The following CNTNAP5 variants were observed in gnomAD, a reference collection of about 807,000 sequenced individuals.
The protein encoded by CNTNAP5 is contactin-associated protein-like 5.
CNTNAP5 carries 72 observed loss-of-function variants against 150.2 expected under a neutral mutation model. The ratio of observed to expected loss-of-function variants is 0.48; its 90% CI spans 0.40 to 0.58. CNTNAP5 has a LOEUF of 0.58. CNTNAP5 is among the 20% of genes least tolerant of loss of function. CNTNAP5 has a pLI of 0.00. For missense variants in CNTNAP5, 1,636 were observed against 1,626.2 expected (o/e 1.01, Z -0.10); for synonymous variants, 672 against 619.8 (o/e 1.08, Z -1.25).
chr2:124,188,996 GT>G (rs1480687227), intron 1 of CNTNAP5, among the ~76,000 whole-genome samples: 2 of 152,184 alleles, frequency 1.3e-5, no homozygotes, highest in East Asian at 1.9e-4. Context: ...TGAAGATTAA[GT>G]TTTTCATGAA....
chr2:124,263,637 A>G (rs1477969486), intron 3 of CNTNAP5, among the ~76,000 whole-genome samples: 1 of 152,128 alleles, frequency 6.6e-6, no homozygotes, highest in East Asian at 1.9e-4. Context: ...TGCTGTGCAG[A>G]AGCTCTTTAG....
chr2:124,638,770 T>C (rs928756473), intron 12 of CNTNAP5, among the ~76,000 whole-genome samples: 1 of 152,216 alleles, frequency 6.6e-6, no homozygotes, highest in Non-Finnish European at 1.5e-5. Flanking sequence ...AAATGTATCA[T>C]ACTCTTTTGT....
At chr2:124,270,881 G>A (rs544180490) in intron 3 of CNTNAP5, among the ~76,000 whole-genome samples, 1 of 152,280 alleles carries the variant, frequency 6.6e-6, no homozygotes, top group African/African-American at 2.4e-5. Context: ...GTTAGAATAT[G>A]TATGCTTATC....
intron 19 of CNTNAP5, among the ~76,000 whole-genome samples, chr2:124,801,570 G>A (rs542290202): frequency 1.3e-5 from 2 of 152,250 alleles, no homozygotes; most frequent in East Asian, 1.9e-4. Context: ...AATAACCTCT[G>A]AGTTTCTTCC....
chr2:124,693,010 C>A (rs1038437897), intron 13 of CNTNAP5, among the ~76,000 whole-genome samples: 1 of 152,038 alleles, frequency 6.6e-6, no homozygotes, highest in Non-Finnish European at 1.5e-5. Flanking sequence ...ACATATGAAT[C>A]TTTTCTGGTA....
chr2:124,749,519 G>A (rs887733309), intron 14 of CNTNAP5, among the ~76,000 whole-genome samples: 2 of 151,976 alleles, frequency 1.3e-5, no homozygotes, highest in African/African-American at 2.4e-5. Context: ...CTGCTTCCAG[G>A]GTTCAAGCGA....
intron 13 of CNTNAP5, among the ~76,000 whole-genome samples, chr2:124,668,229 A>T (rs1678740227): frequency 6.6e-6 from 1 of 152,176 alleles, no homozygotes; most frequent in Non-Finnish European, 1.5e-5. Context: ...TTAGCTAGGA[A>T]AAACCTTTGG....
At chr2:124,049,118 T>A (rs1246670869) in intron 1 of CNTNAP5, among the ~76,000 whole-genome samples, 1 of 152,190 alleles carries the variant, frequency 6.6e-6, no homozygotes, top group East Asian at 1.9e-4. Flanking sequence ...GAAACGCTGA[T>A]TTCAGGGCTT....
intron 7 of CNTNAP5, among the ~76,000 whole-genome samples, chr2:124,491,054 G>T (rs1694012094): frequency 6.6e-6 from 1 of 151,978 alleles, no homozygotes; most frequent in African/African-American, 2.4e-5. Context: ...TATGTTCAAG[G>T]TGTACAATGT....
chr2:124,809,373 T>G (rs1413411505), intron 19 of CNTNAP5, among the ~76,000 whole-genome samples: 1 of 143,580 alleles, frequency 7.0e-6, no homozygotes, highest in African/African-American at 2.5e-5. Context: ...CATAAAACAA[T>G]AATATGGTAT....
intron 1 of CNTNAP5, among the ~76,000 whole-genome samples, chr2:124,167,058 C>A (rs754315613): frequency 2.0e-5 from 3 of 151,988 alleles, no homozygotes; most frequent in African/African-American, 7.2e-5. Flanking sequence ...TTTGTCCTGT[C>A]GTCTTCTCTA....
At chr2:124,901,863 C>T (rs1450022200) in intron 21 of CNTNAP5, among the ~76,000 whole-genome samples, 2 of 152,082 alleles carry the variant, frequency 1.3e-5, no homozygotes, top group East Asian at 1.9e-4. Context: ...TCTCATTTTC[C>T]TCCATATCCT....
chr2:124,091,569 C>A (rs958291404), intron 1 of CNTNAP5, among the ~76,000 whole-genome samples: 2 of 152,120 alleles, frequency 1.3e-5, no homozygotes, highest in African/African-American at 4.8e-5. Context: ...TGTAAAGAAC[C>A]TAGTCCACAG....
At chr2:124,564,942 G>A (rs1035692056) in intron 11 of CNTNAP5, among the ~76,000 whole-genome samples, 9 of 152,158 alleles carry the variant, frequency 5.9e-5, no homozygotes, top group South Asian at 2.1e-4. Context: ...GAGAACTATC[G>A]CTCAGGGACA....
chr2:124,463,188 A>C (rs1444704671), intron 6 of CNTNAP5, among the ~76,000 whole-genome samples: 4 of 152,200 alleles, frequency 2.6e-5, no homozygotes, highest in African/African-American at 9.6e-5. Context: ...ATTTCTATTG[A>C]ACTCTTTGCT....
chr2:124,610,071 T>C (rs564621328), intron 12 of CNTNAP5, among the ~76,000 whole-genome samples, 151 bp downstream of exon 12: 1 of 152,314 alleles, frequency 6.6e-6, no homozygotes, highest in South Asian at 2.1e-4. Flanking sequence ...TGGTGAGTAA[T>C]GCAAATTTGC....
intron 2 of CNTNAP5, among the ~76,000 whole-genome samples, chr2:124,222,111 T>C (rs1474817269): frequency 6.6e-6 from 1 of 152,218 alleles, no homozygotes; most frequent in Non-Finnish European, 1.5e-5. Flanking sequence ...ATAGCTAACA[T>C]AAATAGATAT....
At chr2:124,757,210 G>A (rs776712136) in intron 14 of CNTNAP5, among the ~76,000 whole-genome samples, 3 of 152,192 alleles carry the variant, frequency 2.0e-5, no homozygotes, top group Non-Finnish European at 4.4e-5. Flanking sequence ...AAGAGCTCAT[G>A]GACTCCCAGA....
At chr2:124,561,988 T>C (rs1400606314) in intron 10 of CNTNAP5, among the ~76,000 whole-genome samples, 2 of 152,208 alleles carry the variant, frequency 1.3e-5, no homozygotes, top group Admixed American at 1.3e-4. Context: ...TTATGGTATG[T>C]ATCATTGTTT....
Sources: allele counts gnomAD v4.1 joint callset (sites outside exome capture counted in the v4.1 genomes callset), GRCh38; gene constraint gnomAD v4.1.1; transcripts MANE v1.5; gene names NCBI Gene and HGNC (gene_info 2026-07-23, HGNC 2026-07-21).